The following RBFOX3 variants were observed in gnomAD, a reference collection of about 807,000 sequenced individuals.
RBFOX3 encodes the protein RNA binding fox-1 homolog 3.
RBFOX3 carries 17 observed loss-of-function variants against 48.7 expected under a neutral mutation model. That is an observed-to-expected ratio of 0.35 (90% CI 0.24 to 0.52). The LOEUF is 0.52. RBFOX3 is among the 20% of genes least tolerant of loss of function. The probability of loss-of-function intolerance (pLI) is 0.94; values close to 1 mark genes in which losing one functional copy is unlikely to be tolerated. For synonymous variants in RBFOX3, 212 were observed against 209.5 expected, an observed-to-expected ratio of 1.01 and a Z score of -0.10; for missense variants, 382 against 497.5, an observed-to-expected ratio of 0.77 and a Z score of 2.21.
At chr17:79,248,334 G>A (rs999856108) in intron 3 of RBFOX3, among the ~76,000 whole-genome samples, 6 of 151,892 alleles carry the variant, frequency 4.0e-5, no homozygotes, top group South Asian at 2.1e-4. Flanking sequence ...CCGGGTTCAC[G>A]CCATTCTCCT....
At position 79,548,905 on chromosome 17, in the gene RBFOX3, C is replaced by T. The variant is rs565743494; in HGVS notation, c.-320+61921G>A. Among the ~76,000 whole-genome samples, 12 of 152,386 alleles carry T rather than the reference C, an allele frequency of 7.9e-5. No individual in the cohort carries two copies. The South Asian group carries it at 2.1e-3, about 26-fold the overall frequency. On this transcript the variant is annotated intron_variant, in intron 1 of 14. Transcript: ENST00000693108. ...AAGCTAGCAAGTGCCATCACTCCCT[C>T]GCTAGATACCATGGTAATTGTTGCA...
At position 79,094,549 on chromosome 17, in the gene RBFOX3, G is replaced by T; in HGVS notation, c.999-20C>A. On this transcript the variant is annotated intron_variant, in intron 13 of 14. Coordinates refer to ENST00000693108, the MANE Select transcript of RBFOX3 (RefSeq NM_001350451.2). ...CCGTAACTAGGGAAGAGCGTGGGAG[G>T]GGGAGTGGGAGGAGGGTGGGGGAGG... The T allele has an allele frequency of 7.6e-6, 8 of 1,049,758 alleles. No individual in the cohort carries two copies. The highest frequency in any genetic ancestry group is 9.1e-6 in the Non-Finnish European group (7 of 771,934). The allele number at this position is 1,049,758 out of a possible 1,614,324, so 65.0% of individuals were successfully genotyped here.
chr17:79,136,103 T>C (rs1237985671), intron 4 of RBFOX3: 1 of 152,240 alleles, frequency 6.6e-6, no homozygotes, highest in Non-Finnish European at 1.5e-5. Context: ...CCTGTTTCTG[T>C]TTCCCTTCTC....
At position 79,199,387 on chromosome 17, in the gene RBFOX3, G is replaced by A. The variant is rs1431087651; in HGVS notation, c.-34+36379C>T. 6.6e-6 allele frequency among the ~76,000 whole-genome samples: 1 copy of A among 152,046 alleles called. No homozygotes were observed. The highest frequency in any genetic ancestry group is 2.4e-5 in the African/African-American group (1 of 41,390). On this transcript the variant is annotated intron_variant, in intron 4 of 14. Coordinates refer to ENST00000693108, the MANE Select transcript of RBFOX3 (RefSeq NM_001350451.2). The surrounding 1 kb of genome is among the most constrained non-coding windows in gnomAD (Gnocchi z 5.1). ...CTCAGAGGAGGGAGCATTCCCAGGAGCCTCCAACCCTCTGCCCACCGCCCT... is the reference window on the plus strand; with the variant it reads ...CTCAGAGGAGGGAGCATTCCCAGGAACCTCCAACCCTCTGCCCACCGCCCT...
At position 79,321,705 on chromosome 17, in the gene RBFOX3, CTT is replaced by C. The variant is rs55633027; in HGVS notation, c.-174-13883_-174-13882del. On this transcript the variant is annotated intron_variant, in intron 2 of 14. Coordinates refer to ENST00000693108, the MANE Select transcript of RBFOX3 (RefSeq NM_001350451.2). Reference sequence around the variant, plus strand: ...GCGAGCCGGGCTTTCAGGAATCTGGCTTTTTTTTTTTTTTTTTATAGACGGAG... The same window carrying C: ...GCGAGCCGGGCTTTCAGGAATCTGGCTTTTTTTTTTTTTTTATAGACGGAG... Among the ~76,000 whole-genome samples the C allele has an allele frequency of 5.5e-3, 737 of 134,092 alleles. 9 individuals carry two copies. Among genetic ancestry groups the C allele is most frequent in the African/African-American group, 0.019 (689 of 35,744 alleles). The allele number at this position is 134,092 out of a possible 152,430, so 88.0% of individuals were successfully genotyped here.
chr17:79,280,153 A>ACACG (rs1281765027), intron 3 of RBFOX3, among the ~76,000 whole-genome samples: 3 of 129,410 alleles, frequency 2.3e-5, no homozygotes, highest in Admixed American at 8.6e-5. Context: ...ATGTGCGTGC[A>ACACG]CACACACACG....
chr17:79,353,393 C>T (rs923837706), intron 2 of RBFOX3, among the ~76,000 whole-genome samples: 2 of 152,162 alleles, frequency 1.3e-5, no homozygotes, highest in African/African-American at 4.8e-5. Flanking sequence ...CTTGCATGCT[C>T]CTCCTCCTCC....
chr17:79,577,505 A>C (rs2092903709), intron 1 of RBFOX3, among the ~76,000 whole-genome samples: 1 of 152,248 alleles, frequency 6.6e-6, no homozygotes, highest in African/African-American at 2.4e-5. Context: ...AAACTTGAAG[A>C]AATAAACTCA....
At chr17:79,502,712 T>C (rs1403570993) in intron 1 of RBFOX3, among the ~76,000 whole-genome samples, 1 of 152,172 alleles carries the variant, frequency 6.6e-6, no homozygotes. Flanking sequence ...TTCCTTGCTG[T>C]TGCCTCTTCG....
intron 1 of RBFOX3, among the ~76,000 whole-genome samples, chr17:79,577,410 T>A (rs1176347922): frequency 2.0e-5 from 3 of 152,134 alleles, no homozygotes; most frequent in African/African-American, 7.2e-5. Flanking sequence ...ACGGGCAGAC[T>A]CAATTCGGCA....
chr17:79,248,673 C>T (rs1299471507), intron 3 of RBFOX3, among the ~76,000 whole-genome samples: 3 of 152,236 alleles, frequency 2.0e-5, no homozygotes, highest in Admixed American at 1.3e-4. Flanking sequence ...GTGCTTTGCA[C>T]ATCTCCTCCA....
intron 2 of RBFOX3, among the ~76,000 whole-genome samples, chr17:79,379,857 C>T (rs1304340898): frequency 6.6e-6 from 1 of 152,152 alleles, no homozygotes; most frequent in Non-Finnish European, 1.5e-5. Context: ...CTCTAGTTAC[C>T]CACCTAAGAA....
rs116994142 is a variant in RBFOX3 at position 79,092,248 on chromosome 17, G to A, written c.1078-1363C>T. The A allele has an allele frequency of 2.5e-4, 242 of 985,540 alleles. 3 individuals carry two copies. In the East Asian group the frequency reaches 0.022, roughly 88 times the overall value. 61.0% of individuals were successfully genotyped at this position (985,540 alleles called of 1,614,324 possible). The stretch of plus-strand genomic sequence containing the variant: ...TCATAGGGCGCTACCGCTACTCCCA[G>A]GTTGGGGGCTGCCTGGTCTCCTGGC... On this transcript the variant is annotated intron_variant, in intron 14 of 14. Coordinates refer to ENST00000693108, the MANE Select transcript of RBFOX3 (RefSeq NM_001350451.2).
intron 2 of RBFOX3, among the ~76,000 whole-genome samples, chr17:79,412,131 A>G (rs1166656628): frequency 2.0e-5 from 3 of 151,934 alleles, no homozygotes; most frequent in African/African-American, 7.3e-5. Flanking sequence ...TGTGGTGTAT[A>G]TGCACGTGTT....
chr17:79,530,226 G>A (rs1294568434), intron 1 of RBFOX3, among the ~76,000 whole-genome samples: 1 of 152,074 alleles, frequency 6.6e-6, no homozygotes, highest in East Asian at 1.9e-4. Flanking sequence ...TGGACTTTGC[G>A]GGGGCCAAGC....
Position 79,493,409 on chromosome 17 carries a change from G to A in RBFOX3, c.-319-10811C>T, listed in dbSNP as rs2149627091. ...AAGGAGAGCGTCAGATGCTACAAAG[G>A]CACAGCAGGACCCCGGCTTCCCAGG... is the stretch of plus-strand genomic sequence containing the variant. On this transcript the variant is annotated intron_variant, in intron 1 of 14. Transcript: ENST00000693108. Among the ~76,000 whole-genome samples, 3 of 152,242 alleles carry A rather than the reference G, an allele frequency of 2.0e-5. 1 individual carries two copies. The East Asian group carries it at 5.8e-4, about 29-fold the overall frequency.
At chr17:79,575,463 C>T (rs911575725) in intron 1 of RBFOX3, among the ~76,000 whole-genome samples, 1 of 152,064 alleles carries the variant, frequency 6.6e-6, no homozygotes, top group Admixed American at 6.5e-5. Flanking sequence ...GGCTGGGGGA[C>T]GGACCTCATG....
intron 2 of RBFOX3, among the ~76,000 whole-genome samples, chr17:79,349,397 C>G (rs1179648185): frequency 1.3e-5 from 2 of 152,036 alleles, no homozygotes; most frequent in Non-Finnish European, 2.9e-5. Flanking sequence ...GGGGCCACTG[C>G]TATTGCTCCT....
At chr17:79,501,761 C>G (rs1402926713) in intron 1 of RBFOX3, among the ~76,000 whole-genome samples, 1 of 152,250 alleles carries the variant, frequency 6.6e-6, no homozygotes, top group Non-Finnish European at 1.5e-5. Context: ...TTAGACCCAT[C>G]ATCTCAGTTT....
Sources: allele counts gnomAD v4.1 joint callset (sites outside exome capture counted in the v4.1 genomes callset), GRCh38; gene constraint gnomAD v4.1.1; non-coding constraint Gnocchi (gnomAD v3.1); transcripts MANE v1.5; gene names NCBI Gene and HGNC (gene_info 2026-07-23, HGNC 2026-07-21).